The following RBFOX1 variants were observed in gnomAD, a reference collection of about 807,000 sequenced individuals.
The protein encoded by RBFOX1 is RNA binding protein fox-1 homolog 1.
A neutral mutation model predicts 57.7 loss-of-function variants in RBFOX1; 8 were observed. That is an observed-to-expected ratio of 0.14 (90% CI 0.08 to 0.25). RBFOX1 has a LOEUF of 0.25. Among genes scored for constraint, RBFOX1 ranks in the 10% least tolerant of loss-of-function variants. The pLI, the probability that RBFOX1 is intolerant of heterozygous loss-of-function variation, is 1.00. For synonymous variants in RBFOX1, 326 were observed against 222.4 expected (o/e 1.47, Z -4.15); for missense variants, 611 against 548.5 (o/e 1.11, Z -1.14).
chr16:6,840,030 A>G (rs1332401175), intron 3 of RBFOX1, among the ~76,000 whole-genome samples: 1 of 152,184 alleles, frequency 6.6e-6, no homozygotes, highest in Non-Finnish European at 1.5e-5. Context: ...GGACCCTGGG[A>G]AGGATAATAA....
chr16:6,656,295 G>C (rs1051699020), intron 3 of RBFOX1, among the ~76,000 whole-genome samples: 1 of 152,130 alleles, frequency 6.6e-6, no homozygotes, highest in African/African-American at 2.4e-5. Flanking sequence ...AACATGTTTT[G>C]TCCGGTATCT....
At chr16:7,342,523 G>A (rs770934696) in intron 4 of RBFOX1, among the ~76,000 whole-genome samples, 22 of 152,178 alleles carry the variant, frequency 1.4e-4, no homozygotes, top group Non-Finnish European at 2.8e-4. Flanking sequence ...GTTTGTTCAT[G>A]ATTTCTGGAG....
At chr16:6,485,349 C>G in intron 2 of RBFOX1, among the ~76,000 whole-genome samples, 2 of 149,630 alleles carry the variant, frequency 1.3e-5, no homozygotes, top group South Asian at 4.2e-4. Context: ...CCCTCTCTTA[C>G]CCCTCTTCTC....
chr16:6,892,894 A>G (rs1192330815), intron 3 of RBFOX1, among the ~76,000 whole-genome samples: 1 of 143,256 alleles, frequency 7.0e-6, no homozygotes, highest in Non-Finnish European at 1.5e-5. Flanking sequence ...ATTTCTCACC[A>G]CTCACTCTCA....
chr16:6,321,713 T>G (rs190501750), intron 2 of RBFOX1, among the ~76,000 whole-genome samples: 1 of 152,210 alleles, frequency 6.6e-6, no homozygotes, highest in African/African-American at 2.4e-5. Context: ...AATGAAGAGA[T>G]AGATAAATGC....
chr16:6,010,740 G>A (rs115894115), intron 4 of RBFOX1, among the ~76,000 whole-genome samples: 167 of 152,284 alleles, frequency 1.1e-3, no homozygotes, highest in East Asian at 3.7e-3. Flanking sequence ...AACGGTATCC[G>A]TTAGATGTTT....
At position 5,768,485 on chromosome 16, in the gene RBFOX1, C is replaced by G. The variant is rs540976116; in HGVS notation, c.319-98818C>G. ...GGCCCTGTCAGGAAGGGGTACGTGG[C>G]AGACAGGGAATAGCTACAGGTGCAA... On this transcript the variant is annotated intron_variant, in intron 3 of 19. Coordinates refer to the RBFOX1 transcript ENST00000641259. 2.0e-5 allele frequency among the ~76,000 whole-genome samples: 3 copies of G among 152,282 alleles called. No individual in the cohort carries two copies. In the South Asian group the frequency reaches 6.2e-4, roughly 32 times the overall value.
intron 4 of RBFOX1, among the ~76,000 whole-genome samples, chr16:5,932,573 C>A (rs1288513679): frequency 6.6e-6 from 1 of 151,982 alleles, no homozygotes; most frequent in African/African-American, 2.4e-5. Flanking sequence ...CTAAGGTTGT[C>A]GTGATTTGTT....
rs144526827 is a variant in RBFOX1, at chr16:6,567,658, G to A, written c.-63-86945G>A. On this transcript the variant is annotated intron_variant, in intron 2 of 15. Coordinates refer to ENST00000550418, the MANE Select transcript of RBFOX1 (RefSeq NM_018723.4). ...AGCGCCACATCCCAGCACTACACCA[G>A]TGCCTGGCACCCAGTAGATATTCTG... 4.0e-4 allele frequency among the ~76,000 whole-genome samples: 61 copies of A among 152,250 alleles called. No homozygotes were observed. The East Asian group carries it at 0.01, about 26-fold the overall frequency.
chr16:6,518,769 A>G lies in RBFOX1; in HGVS notation c.-63-135834A>G, dbSNP rs368011245. Among the ~76,000 whole-genome samples the G allele has an allele frequency of 1.3e-4, 20 of 149,758 alleles. No homozygotes were observed. In the East Asian group the frequency reaches 3.2e-3, roughly 24 times the overall value. ...TGTCTGTCTGTCTATCCATCTATCT[A>G]TCCATCTGTCTGTCTGTCTGTGTGT... On this transcript the variant is annotated intron_variant, in intron 2 of 15. Transcript: ENST00000550418.
chr16:7,437,089 T>A, intron 4 of RBFOX1, among the ~76,000 whole-genome samples: 1 of 151,924 alleles, frequency 6.6e-6, no homozygotes, highest in East Asian at 1.9e-4. Context: ...TCAAAAAATC[T>A]CCTGACACCA....
chr16:6,168,183 C>G (rs2096931658), intron 1 of RBFOX1, among the ~76,000 whole-genome samples: 1 of 152,164 alleles, frequency 6.6e-6, no homozygotes, highest in South Asian at 2.1e-4. Context: ...TCACATCAAC[C>G]CTGATATACG....
At chr16:5,247,068 C>T (rs976210450) in intron 1 of RBFOX1, among the ~76,000 whole-genome samples, 2 of 152,186 alleles carry the variant, frequency 1.3e-5, no homozygotes, top group Non-Finnish European at 2.9e-5. Context: ...CCTCCAGGCT[C>T]ATCCATGTTG....
chr16:6,396,170 T>A (rs2092826694), intron 2 of RBFOX1, among the ~76,000 whole-genome samples: 1 of 151,598 alleles, frequency 6.6e-6, no homozygotes, highest in Non-Finnish European at 1.5e-5. Flanking sequence ...AATTATAAAT[T>A]CTAGATAGGA....
intron 4 of RBFOX1, among the ~76,000 whole-genome samples, chr16:7,273,853 C>G (rs1247135293): frequency 1.3e-5 from 2 of 152,170 alleles, no homozygotes; most frequent in Non-Finnish European, 2.9e-5. Context: ...CTGTCTGCTA[C>G]TGCATAATTT....
At chr16:6,074,031 C>G (rs1049223679) in intron 1 of RBFOX1, among the ~76,000 whole-genome samples, 1 of 152,100 alleles carries the variant, frequency 6.6e-6, no homozygotes, top group Non-Finnish European at 1.5e-5. Context: ...TCACTGCAAG[C>G]TCCACCTCCT....
chr16:5,556,977 G>A (rs1365322306), intron 2 of RBFOX1, among the ~76,000 whole-genome samples: 1 of 152,014 alleles, frequency 6.6e-6, no homozygotes. Context: ...AAATTCTCTG[G>A]GACTGAACTT....
At chr16:5,265,686 T>C (rs989643630) in intron 1 of RBFOX1, among the ~76,000 whole-genome samples, 1 of 152,220 alleles carries the variant, frequency 6.6e-6, no homozygotes, top group African/African-American at 2.4e-5. Flanking sequence ...CATCTCTCTT[T>C]CCTAGAGGGG....
At chr16:5,755,744 A>G (rs2053370172) in intron 3 of RBFOX1, among the ~76,000 whole-genome samples, 1 of 152,124 alleles carries the variant, frequency 6.6e-6, no homozygotes, top group South Asian at 2.1e-4. Flanking sequence ...GATTACAGGC[A>G]TGCATCTCCA....
Sources: gnomAD v4.1 joint callset for allele counts (sites outside exome capture counted in the v4.1 genomes callset) on GRCh38, gnomAD v4.1.1 for gene constraint, MANE v1.5 for transcripts, NCBI Gene and HGNC (gene_info 2026-07-23, HGNC 2026-07-21) for gene names.